MAPRE3: variants seen among roughly 807,000 people sequenced by gnomAD.
MAPRE3 encodes microtubule-associated protein RP/EB family member 3.
In MAPRE3, 2 loss-of-function variants were observed where a neutral mutation model predicts 30.5. That is an observed-to-expected ratio of 0.07 (90% CI 0.03 to 0.21). The LOEUF is 0.21. MAPRE3 is among the 10% of genes least tolerant of loss of function. The pLI, the probability that MAPRE3 is intolerant of heterozygous loss-of-function variation, is 1.00. For synonymous variants in MAPRE3, 110 were observed against 127.7 expected, an observed-to-expected ratio of 0.86 and a Z score of 0.93; for missense variants, 204 against 351.8, an observed-to-expected ratio of 0.58 and a Z score of 3.36.
At position 27,024,794 on chromosome 2, in the gene MAPRE3, T is replaced by C. The variant is rs555913793; in HGVS notation, c.469+497T>C. 2.0e-5 allele frequency among the ~76,000 whole-genome samples: 3 copies of C among 152,238 alleles called. No homozygotes were observed. In the East Asian group the frequency reaches 5.8e-4, roughly 29 times the overall value. On this transcript the variant is annotated intron_variant, in intron 4 of 6. Coordinates refer to ENST00000233121, the MANE Select transcript of MAPRE3 (RefSeq NM_012326.4). ...AGATGAGTCTCTAGAAACGAGGCTTTGTCTGGGTCCTGGAGGGGAAGGGAG... is the reference window on the plus strand; with the variant it reads ...AGATGAGTCTCTAGAAACGAGGCTTCGTCTGGGTCCTGGAGGGGAAGGGAG...
intron 1 of MAPRE3, among the ~76,000 whole-genome samples, chr2:26,998,181 A>G (rs1666508570): frequency 6.6e-6 from 1 of 152,168 alleles, no homozygotes; most frequent in South Asian, 2.1e-4. Context: ...TGTAATCCCT[A>G]TTCTTCCTCT....
intron 1 of MAPRE3, among the ~76,000 whole-genome samples, chr2:26,983,318 C>T (rs1666154254): frequency 6.6e-6 from 1 of 152,158 alleles, no homozygotes; most frequent in Admixed American, 6.5e-5. Context: ...TCCTTTTCTC[C>T]ATGCAGCACC....
intron 1 of MAPRE3, among the ~76,000 whole-genome samples, chr2:26,989,095 G>C (rs1360828091): frequency 6.6e-6 from 1 of 152,112 alleles, no homozygotes; most frequent in African/African-American, 2.4e-5. Flanking sequence ...CGTAATTCCA[G>C]CACCAATGTA....
intron 1 of MAPRE3, among the ~76,000 whole-genome samples, chr2:26,997,427 C>A (rs946274585): frequency 2.0e-5 from 3 of 151,252 alleles, no homozygotes; most frequent in African/African-American, 7.4e-5. Context: ...CAAGACAATT[C>A]TTCTTCCCGT....
intron 1 of MAPRE3, among the ~76,000 whole-genome samples, chr2:27,006,504 C>G (rs7560595): frequency 0.54 from 81,881 of 152,108 alleles, 23,129 homozygotes; most frequent in East Asian, 0.76. Context: ...GATCACAGCT[C>G]ATTGAAGCCT....
At chr2:27,003,418 A>G (rs1572758938) in intron 1 of MAPRE3, among the ~76,000 whole-genome samples, 1 of 152,278 alleles carries the variant, frequency 6.6e-6, no homozygotes, top group East Asian at 1.9e-4. Flanking sequence ...GGGAAATGAT[A>G]AGGACTCTAT....
At chr2:26,992,826 GAGA>G (rs1457304381) in intron 1 of MAPRE3, among the ~76,000 whole-genome samples, 2 of 152,204 alleles carry the variant, frequency 1.3e-5, no homozygotes, top group Non-Finnish European at 1.5e-5. Flanking sequence ...GGCCAGAAGT[GAGA>G]AGATGATTTG....
chr2:26,993,523 A>G (rs1328440175), intron 1 of MAPRE3, among the ~76,000 whole-genome samples: 1 of 152,206 alleles, frequency 6.6e-6, no homozygotes, highest in African/African-American at 2.4e-5. Context: ...CAGTTTCTCT[A>G]CTTAGAGCTA....
intron 1 of MAPRE3, among the ~76,000 whole-genome samples, chr2:26,992,113 A>G (rs1288609540): frequency 1.3e-5 from 2 of 152,222 alleles, no homozygotes; most frequent in African/African-American, 4.8e-5. Context: ...GTATGTTCAT[A>G]TTTATTATAT....
intron 2 of MAPRE3, 107 bp from the exon 3 acceptor site, chr2:27,023,225 G>A: frequency 7.9e-7 from 1 of 1,265,296 alleles, no homozygotes; most frequent in South Asian, 1.5e-5. Context: ...CTGGTCCCTG[G>A]CCCAGAACAA....
intron 1 of MAPRE3, chr2:27,013,042 A>C (rs1057007376): frequency 1.3e-5 from 2 of 152,630 alleles, no homozygotes; most frequent in Non-Finnish European, 2.9e-5. Context: ...AGGAACATAA[A>C]GTGACATGGC....
intron 1 of MAPRE3, among the ~76,000 whole-genome samples, chr2:26,979,449 G>A (rs563391211): frequency 6.6e-6 from 1 of 152,300 alleles, no homozygotes; most frequent in Non-Finnish European, 1.5e-5. Flanking sequence ...AGCCGGGCAT[G>A]GTGGCATATA....
chr2:26,986,221 G>T lies in MAPRE3; in HGVS notation c.-8+15419G>T, dbSNP rs1327718432. ...TCACTGTTCTCTGACTGACCCTTCT[G>T]CTTCCCCTTATAAGGACCCTGGTGA... On this transcript the variant is annotated intron_variant, in intron 1 of 6. Coordinates refer to ENST00000233121, the MANE Select transcript of MAPRE3 (RefSeq NM_012326.4). This position sits in a 1 kb window ranked among gnomAD's most constrained non-coding sequence, Gnocchi z 4.2. 6.6e-6 allele frequency among the ~76,000 whole-genome samples: 1 copy of T among 152,118 alleles called. No homozygotes were observed. Among genetic ancestry groups the T allele is most frequent in the Non-Finnish European group, 1.5e-5 (1 of 68,034 alleles).
At chr2:26,990,674 CTT>C (rs1236354628) in intron 1 of MAPRE3, among the ~76,000 whole-genome samples, 6 of 152,260 alleles carry the variant, frequency 3.9e-5, no homozygotes, top group African/African-American at 9.6e-5. Flanking sequence ...TAACAGGAAA[CTT>C]TTAAATTTTA....
intron 1 of MAPRE3, among the ~76,000 whole-genome samples, chr2:26,990,316 T>G (rs1488216047): frequency 6.6e-6 from 1 of 152,202 alleles, no homozygotes; most frequent in Admixed American, 6.5e-5. Flanking sequence ...CCCCGCTCCC[T>G]GAGCCGCTTT....
intron 1 of MAPRE3, among the ~76,000 whole-genome samples, chr2:26,994,433 G>A (rs1335155876): frequency 6.6e-6 from 1 of 152,136 alleles, no homozygotes; most frequent in East Asian, 1.9e-4. Flanking sequence ...TCTACCAGAG[G>A]AGACATCATT....
At chr2:27,022,149 CTT>C in intron 1 of MAPRE3, 61 bp from the exon 2 acceptor site, 21 of 1,578,620 alleles carry the variant, frequency 1.3e-5, no homozygotes, top group African/African-American at 2.7e-5. Flanking sequence ...GCCCCTCTCT[CTT>C]GACAGCTAAG....
chr2:27,001,298 T>C (rs1296691273), intron 1 of MAPRE3, among the ~76,000 whole-genome samples: 1 of 152,272 alleles, frequency 6.6e-6, no homozygotes, highest in African/African-American at 2.4e-5. Flanking sequence ...AGCATGTGAC[T>C]GCACTGGATA....
intron 1 of MAPRE3, among the ~76,000 whole-genome samples, chr2:26,979,130 G>A (rs112524005): frequency 6.6e-6 from 1 of 152,222 alleles, no homozygotes; most frequent in African/African-American, 2.4e-5. Flanking sequence ...AGACACACTG[G>A]AGCTGGGTGT....
Sources: gnomAD v4.1 joint callset for allele counts (sites outside exome capture counted in the v4.1 genomes callset) on GRCh38, gnomAD v4.1.1 for gene constraint, Gnocchi (gnomAD v3.1) non-coding constraint, MANE v1.5 for transcripts, NCBI Gene and HGNC (gene_info 2026-07-23, HGNC 2026-07-21) for gene names.